SYTL3: variants seen among roughly 807,000 people sequenced by gnomAD.
SYTL3 encodes synaptotagmin like 3.
SYTL3 carries 88 observed loss-of-function variants against 82.1 expected under a neutral mutation model. The ratio of observed to expected loss-of-function variants is 1.07; its 90% confidence interval spans 0.90 to 1.28. The LOEUF (loss-of-function observed/expected upper bound fraction) is 1.28, where lower values mean the gene tolerates loss of function less well. Among genes scored for constraint, SYTL3 ranks in the 50% most tolerant of loss-of-function variants. The pLI is 0.00. For synonymous variants in SYTL3, 311 were observed against 289.4 expected (o/e 1.07, Z -0.76); for missense variants, 831 against 757.6 (o/e 1.10, Z -1.14).
At chr6:158,722,175 TTTTGA>T (rs1784192530) in intron 10 of SYTL3, among the ~76,000 whole-genome samples, 1 of 148,872 alleles carries the variant, frequency 6.7e-6, no homozygotes, top group Non-Finnish European at 1.5e-5. Flanking sequence ...TTGTTTGTTT[TTTTGA>T]GACAGGGTCT....
chr6:158,734,012 G>A (rs1019085805), intron 11 of SYTL3, among the ~76,000 whole-genome samples: 6 of 148,200 alleles, frequency 4.0e-5, no homozygotes, highest in Admixed American at 6.8e-5. Flanking sequence ...GCAGAATGGC[G>A]TGAACCTGGG....
upstream of SYTL3, among the ~76,000 whole-genome samples, chr6:158,646,081 T>G (rs1278351052): frequency 6.6e-6 from 1 of 152,240 alleles, no homozygotes; most frequent in Admixed American, 6.5e-5. Flanking sequence ...TGTATCCCCT[T>G]CCTTCCACAT....
At chr6:158,745,809 G>T (rs1562454911) in intron 12 of SYTL3, 151 bp downstream of exon 12, 2 of 695,986 alleles carry the variant, frequency 2.9e-6, no homozygotes, top group East Asian at 5.6e-5. Context: ...CTGTAGCAAT[G>T]CAAACAATGT....
intron 11 of SYTL3, 82 bp downstream of exon 11, chr6:158,725,719 A>G (rs774741622): frequency 5.9e-5 from 89 of 1,519,496 alleles, no homozygotes; most frequent in East Asian, 2.3e-5. Context: ...CCTTATTTCA[A>G]TTACTCCTAT....
Position 158,713,787 on chromosome 6 carries a change from G to A in SYTL3, c.517-13G>A, listed in dbSNP as rs1783036151. ...AGCATAATTCTCATTCTCTCCTTCT[G>A]TCTCTGTTTTAGTTACAGGAATTTG... On this transcript the variant is annotated splice_polypyrimidine_tract_variant and intron_variant, in intron 8 of 17. Coordinates refer to ENST00000611299, the MANE Select transcript of SYTL3 (RefSeq NM_001242394.2). 6.5e-7 allele frequency: 1 copy of A among 1,532,748 alleles called. No individual in the cohort carries two copies. Among genetic ancestry groups the A allele is most frequent in the Admixed American group, 2.0e-5 (1 of 50,984 alleles). 94.9% of individuals were successfully genotyped at this position (1,532,748 alleles called of 1,614,324 possible).
chr6:158,751,775 A>G (rs1252823465), intron 12 of SYTL3, among the ~76,000 whole-genome samples, 153 bp from the exon 13 acceptor site: 2 of 152,200 alleles, frequency 1.3e-5, no homozygotes, highest in African/African-American at 4.8e-5. Context: ...GTTGCTCACT[A>G]TTAGGCTATT....
upstream of SYTL3, among the ~76,000 whole-genome samples, chr6:158,646,693 G>C (rs68163381): frequency 0.15 from 22,491 of 152,144 alleles, 1,728 homozygotes; most frequent in Non-Finnish European, 0.16. Context: ...TACCACACCT[G>C]GTCTTCCTCT....
intron 4 of SYTL3, 109 bp from the exon 5 acceptor site, chr6:158,665,286 T>C: frequency 1.0e-6 from 1 of 992,946 alleles, no homozygotes; most frequent in Non-Finnish European, 1.5e-6. Flanking sequence ...GGATGTCGAA[T>C]GCCAAAGCCC....
At chr6:158,738,889 C>T (rs1409068336) in intron 11 of SYTL3, among the ~76,000 whole-genome samples, 2 of 152,228 alleles carry the variant, frequency 1.3e-5, no homozygotes, top group Non-Finnish European at 2.9e-5. Context: ...AACTCTTGAC[C>T]TCTAGCGATC....
At chr6:158,718,554 C>G (rs1467519137) in intron 10 of SYTL3, among the ~76,000 whole-genome samples, 1 of 152,200 alleles carries the variant, frequency 6.6e-6, no homozygotes, top group African/African-American at 2.4e-5. Context: ...CGGGTTAGCC[C>G]TGGAGTCTGC....
chr6:158,757,753 G>C (rs972150352), intron 14 of SYTL3, among the ~76,000 whole-genome samples: 2 of 152,234 alleles, frequency 1.3e-5, no homozygotes, highest in African/African-American at 2.4e-5. Flanking sequence ...CCCCCAGGGG[G>C]CTACAGTGTG....
At chr6:158,741,471 A>C (rs534013764) in intron 11 of SYTL3, among the ~76,000 whole-genome samples, 2 of 152,134 alleles carry the variant, frequency 1.3e-5, no homozygotes, top group Non-Finnish European at 2.9e-5. Context: ...CAGGCGTTTC[A>C]ATTTTTGGTG....
At chr6:158,742,369 T>C (rs1046983140) in intron 11 of SYTL3, among the ~76,000 whole-genome samples, 1 of 151,816 alleles carries the variant, frequency 6.6e-6, no homozygotes, top group Non-Finnish European at 1.5e-5. Context: ...AAAGAATCTT[T>C]ATCTAGTCTG....
At chr6:158,696,902 T>G (rs954510026) in intron 6 of SYTL3, among the ~76,000 whole-genome samples, 5 of 151,754 alleles carry the variant, frequency 3.3e-5, no homozygotes, top group African/African-American at 7.3e-5. Context: ...TTGAGAAGGG[T>G]GCTAAGACCA....
intron 6 of SYTL3, among the ~76,000 whole-genome samples, chr6:158,703,153 TAAAAAAAAAAA>T (rs71297001): frequency 1.1e-5 from 1 of 94,876 alleles, no homozygotes; most frequent in African/African-American, 4.0e-5. Flanking sequence ...GACTCTGTCT[TAAAAAAAAAAA>T]AAAAAAAAAA....
At chr6:158,685,257 A>G (rs1779172209) in intron 6 of SYTL3, among the ~76,000 whole-genome samples, 1 of 145,898 alleles carries the variant, frequency 6.9e-6, no homozygotes, top group Non-Finnish European at 1.5e-5. Flanking sequence ...TCTGTCATCC[A>G]GGCTGGAGTG....
chr6:158,708,145 C>T (rs1195010171), intron 7 of SYTL3, among the ~76,000 whole-genome samples, 177 bp from the exon 8 acceptor site: 1 of 152,008 alleles, frequency 6.6e-6, no homozygotes, highest in African/African-American at 2.4e-5. Context: ...GAAATCATGC[C>T]CCTCGTAGAG....
rs956870665 is a variant in SYTL3 at position 158,682,815 on chromosome 6, G to A, written c.330-110G>A. ...TTAAGCCAGGAAATTGATTGCTGAG[G>A]TCCATTGCAAGACTAATATTTTGTG... On this transcript the variant is annotated intron_variant, in intron 5 of 17. Transcript: ENST00000611299. The A allele has an allele frequency of 5.5e-6, 4 of 728,694 alleles. No homozygotes were observed. The Admixed American group carries it at 1.0e-4, about 19-fold the overall frequency. The allele number at this position is 728,694 out of a possible 1,614,324, so 45.1% of individuals were successfully genotyped here.
chr6:158,741,801 T>G (rs1035770446), intron 11 of SYTL3, among the ~76,000 whole-genome samples: 7 of 152,258 alleles, frequency 4.6e-5, no homozygotes, highest in Non-Finnish European at 8.8e-5. Flanking sequence ...GGCACCCACT[T>G]ATCGAGCTTT....
Sources: gnomAD v4.1 joint callset for allele counts (sites outside exome capture counted in the v4.1 genomes callset) on GRCh38, gnomAD v4.1.1 for gene constraint, MANE v1.5 for transcripts, NCBI Gene and HGNC (gene_info 2026-07-23, HGNC 2026-07-21) for gene names.